The following CSMD1 variants were observed in gnomAD, a reference collection of about 807,000 sequenced individuals.
The protein encoded by CSMD1 is CUB and Sushi multiple domains 1, also known as CUB and sushi domain-containing protein 1.
CSMD1 carries 213 observed loss-of-function variants against 417.5 expected under a neutral mutation model. The ratio of observed to expected loss-of-function variants is 0.51; its 90% CI spans 0.46 to 0.57. The LOEUF is 0.57. CSMD1 is among the 20% of genes least tolerant of loss of function. The pLI is 0.00. For missense variants in CSMD1, 6,923 were observed against 4,529.7 expected (o/e 1.53, Z -15.17); for synonymous variants, 2,862 against 1,736.8 (o/e 1.65, Z -16.11).
chr8:3,453,238 A>T (rs1050887468), intron 12 of CSMD1, among the ~76,000 whole-genome samples: 1 of 151,740 alleles, frequency 6.6e-6, no homozygotes, highest in Non-Finnish European at 1.5e-5. Context: ...CAGTCTATCA[A>T]TTTTGTTGAT....
chr8:3,840,658 A>C lies in CSMD1; in HGVS notation c.819-86616T>G, dbSNP rs559429540. 8.5e-4 allele frequency among the ~76,000 whole-genome samples: 128 copies of C among 151,418 alleles called. 1 individual carries two copies. Among genetic ancestry groups the C allele is most frequent in the African/African-American group, 3.0e-3 (125 of 41,298 alleles). On this transcript the variant is annotated intron_variant, in intron 5 of 69. Transcript: ENST00000635120. ...GCACTTGCTAGTGTATAGGATATTG[A>C]GGTCACTATACAGTGACCTCAATTC...
chr8:3,548,969 T>C (rs79119254), intron 10 of CSMD1, among the ~76,000 whole-genome samples: 2,178 of 152,222 alleles, frequency 0.014, 57 homozygotes, highest in African/African-American at 0.05. Flanking sequence ...AACTCTGCTC[T>C]TGCAGACACC....
At chr8:3,095,416 T>C (rs546057360) in intron 47 of CSMD1, among the ~76,000 whole-genome samples, 1 of 152,302 alleles carries the variant, frequency 6.6e-6, no homozygotes, top group South Asian at 2.1e-4. Context: ...AAAGAAAAAG[T>C]TGTAAATAAT....
intron 3 of CSMD1, among the ~76,000 whole-genome samples, chr8:4,123,484 G>A (rs895365816): frequency 2.0e-5 from 3 of 152,170 alleles, no homozygotes; most frequent in African/African-American, 7.2e-5. Flanking sequence ...CAGTGCAGTT[G>A]AATTGCTTTT....
At chr8:4,303,422 G>GTTTTTTTTTTTTTTTTTTTTTTTT (rs71511194) in intron 3 of CSMD1, among the ~76,000 whole-genome samples, 1 of 85,216 alleles carries the variant, frequency 1.2e-5, no homozygotes, top group African/African-American at 4.8e-5. Flanking sequence ...GCAGGAAGCT[G>GTTTTTTTTTTTTTTTTTTTTTTTT]TTTTTTTTTT....
intron 2 of CSMD1, among the ~76,000 whole-genome samples, chr8:4,571,680 C>G (rs758483824): frequency 1.3e-5 from 2 of 152,084 alleles, no homozygotes; most frequent in African/African-American, 4.8e-5. Flanking sequence ...TCCTGAATAT[C>G]TTTGTTAATT....
rs530145232 is a variant in CSMD1 at position 3,301,860 on chromosome 8, A to C, written c.3950+5835T>G. Among the ~76,000 whole-genome samples the C allele has an allele frequency of 2.0e-5, 3 of 152,300 alleles. No individual in the cohort carries two copies. The East Asian group carries it at 5.8e-4, about 29-fold the overall frequency. ...ACTAAAGTAACAGGAAAGTCATGGG[A>C]ATTCATAATGGTGGATAAGAAGAAA... On this transcript the variant is annotated intron_variant, in intron 25 of 69. Transcript: ENST00000635120.
At chr8:3,717,384 G>C (rs189845200) in intron 6 of CSMD1, among the ~76,000 whole-genome samples, 52 of 152,002 alleles carry the variant, frequency 3.4e-4, no homozygotes, top group African/African-American at 1.2e-3. Flanking sequence ...GATATACACT[G>C]AGTCACACAG....
At chr8:3,243,474 G>T (rs1799677971) in intron 26 of CSMD1, among the ~76,000 whole-genome samples, 1 of 144,412 alleles carries the variant, frequency 6.9e-6, no homozygotes, top group Non-Finnish European at 1.5e-5. Flanking sequence ...AAAGGGGGTT[G>T]TTTTCTGGGG....
chr8:4,589,806 G>C (rs1402267353), intron 2 of CSMD1, among the ~76,000 whole-genome samples: 1 of 152,172 alleles, frequency 6.6e-6, no homozygotes, highest in Non-Finnish European at 1.5e-5. Flanking sequence ...CCATGTCAAA[G>C]AGTATCAAGA....
Position 3,245,945 on chromosome 8 carries a change from T to C in CSMD1, c.4154-15714A>G, listed in dbSNP as rs148902515. ...GAAAGCCTATTCAACAATAATAGTGTTTTTATTTTTTTCTCTATTACTTTT... is the reference window on the plus strand; with the variant it reads ...GAAAGCCTATTCAACAATAATAGTGCTTTTATTTTTTTCTCTATTACTTTT... On this transcript the variant is annotated intron_variant, in intron 26 of 69. Transcript: ENST00000635120. Among the ~76,000 whole-genome samples the C allele has an allele frequency of 2.6e-5, 4 of 152,252 alleles. No individual in the cohort carries two copies. In the East Asian group the frequency reaches 5.8e-4, roughly 22 times the overall value.
At chr8:3,662,602 T>C (rs1374419882) in intron 7 of CSMD1, among the ~76,000 whole-genome samples, 1 of 152,204 alleles carries the variant, frequency 6.6e-6, no homozygotes, top group African/African-American at 2.4e-5. Flanking sequence ...TCTACATCCT[T>C]GAAGAATCTC....
At chr8:4,419,140 G>T (rs1036406028) in intron 3 of CSMD1, among the ~76,000 whole-genome samples, 13 of 151,596 alleles carry the variant, frequency 8.6e-5, no homozygotes, top group African/African-American at 2.7e-4. Flanking sequence ...AGTAAACAGT[G>T]TGTGTTGTAA....
At chr8:4,229,853 G>C (rs1051805517) in intron 3 of CSMD1, among the ~76,000 whole-genome samples, 10 of 152,024 alleles carry the variant, frequency 6.6e-5, no homozygotes, top group Non-Finnish European at 1.2e-4. Context: ...TTATCGCTTT[G>C]GTCTGTGTTC....
chr8:4,173,117 T>C (rs997329176), intron 3 of CSMD1, among the ~76,000 whole-genome samples: 2 of 152,260 alleles, frequency 1.3e-5, no homozygotes, highest in African/African-American at 2.4e-5. Flanking sequence ...ACGGAGGAAG[T>C]AACTATACAG....
intron 2 of CSMD1, among the ~76,000 whole-genome samples, chr8:4,497,520 T>C (rs948918392): frequency 6.6e-6 from 1 of 152,152 alleles, no homozygotes; most frequent in Non-Finnish European, 1.5e-5. Context: ...AAATCCAGCT[T>C]GTTCTGTATA....
intron 21 of CSMD1, among the ~76,000 whole-genome samples, chr8:3,355,596 C>T (rs1466361379): frequency 1.3e-5 from 2 of 152,108 alleles, no homozygotes; most frequent in African/African-American, 4.8e-5. Flanking sequence ...TTCCACAGAA[C>T]TGCACGATGT....
chr8:3,945,811 A>C (rs1166676253), intron 5 of CSMD1, among the ~76,000 whole-genome samples: 2 of 152,130 alleles, frequency 1.3e-5, no homozygotes, highest in African/African-American at 4.8e-5. Context: ...TCACACACCA[A>C]CACACACATG....
At chr8:4,834,554 G>C (rs1033012031) in intron 1 of CSMD1, among the ~76,000 whole-genome samples, 1 of 152,072 alleles carries the variant, frequency 6.6e-6, no homozygotes, top group African/African-American at 2.4e-5. Flanking sequence ...ACAACCAATA[G>C]AAGGGAAGAA....
Sources: allele counts gnomAD v4.1 joint callset (sites outside exome capture counted in the v4.1 genomes callset), GRCh38; gene constraint gnomAD v4.1.1; transcripts MANE v1.5; gene names NCBI Gene and HGNC (gene_info 2026-07-23, HGNC 2026-07-21).